Variants in RPTOR observed in about 807,000 individuals in gnomAD.
The protein encoded by RPTOR is regulatory associated protein of MTOR complex 1.
A neutral mutation model predicts 169.9 loss-of-function variants in RPTOR; 21 were observed. The observed-to-expected ratio is 0.12, with a 90% confidence interval of 0.09 to 0.18. The LOEUF (loss-of-function observed/expected upper bound fraction) is 0.18. Among genes scored for constraint, RPTOR ranks in the 10% least tolerant of loss-of-function variants. The pLI is 1.00. For synonymous variants in RPTOR, 732 were observed against 753.2 expected (o/e 0.97, Z 0.46); for missense variants, 1,133 against 1,855.9 (o/e 0.61, Z 7.16).
intron 3 of RPTOR, among the ~76,000 whole-genome samples, chr17:80,662,683 C>T (rs79869228): frequency 0.02 from 3,010 of 152,130 alleles, 130 homozygotes; most frequent in African/African-American, 0.068. Context: ...AACCTGGCCA[C>T]GACTCCCGAG....
At chr17:80,719,931 G>A (rs946675661) in intron 4 of RPTOR, among the ~76,000 whole-genome samples, 11 of 152,028 alleles carry the variant, frequency 7.2e-5, no homozygotes, top group African/African-American at 2.7e-4. Context: ...TTGGTTTTTT[G>A]TTTTTTTAAT....
chr17:80,829,288 T>C (rs2067477524), intron 9 of RPTOR, among the ~76,000 whole-genome samples: 1 of 152,112 alleles, frequency 6.6e-6, no homozygotes. Context: ...GTGGGGGCTT[T>C]CAGACAGCAG....
At chr17:80,858,454 G>T (rs977017658) in intron 13 of RPTOR, among the ~76,000 whole-genome samples, 1 of 152,250 alleles carries the variant, frequency 6.6e-6, no homozygotes, top group African/African-American at 2.4e-5. Flanking sequence ...CTGCAGCCAT[G>T]TGTTCGCCCC....
intron 2 of RPTOR, among the ~76,000 whole-genome samples, chr17:80,637,790 G>T (rs1181853059): frequency 6.6e-6 from 1 of 152,252 alleles, no homozygotes; most frequent in Non-Finnish European, 1.5e-5. Context: ...CGTTTGGGAG[G>T]TCTTAGCTTT....
At chr17:80,890,338 A>G (rs1210343237) in intron 17 of RPTOR, among the ~76,000 whole-genome samples, 1 of 152,204 alleles carries the variant, frequency 6.6e-6, no homozygotes, top group Non-Finnish European at 1.5e-5. Context: ...GAAGGGGCCC[A>G]GTGGGTGTTC....
chr17:80,828,731 G>A (rs1310114109), intron 9 of RPTOR, among the ~76,000 whole-genome samples: 1 of 152,228 alleles, frequency 6.6e-6, no homozygotes, highest in African/African-American at 2.4e-5. Flanking sequence ...GGACTAATGG[G>A]ATGTTCTGAA....
chr17:80,725,817 T>C (rs1438730540), intron 4 of RPTOR, among the ~76,000 whole-genome samples: 1 of 152,242 alleles, frequency 6.6e-6, no homozygotes, highest in African/African-American at 2.4e-5. Flanking sequence ...TTATATTCCC[T>C]GAGGGATACA....
chr17:80,769,663 C>T (rs566602707), intron 6 of RPTOR, among the ~76,000 whole-genome samples: 2 of 152,310 alleles, frequency 1.3e-5, no homozygotes, highest in South Asian at 2.1e-4. Flanking sequence ...GGCGGCATCA[C>T]TGCTGTTGGG....
At chr17:80,865,433 T>C (rs768146122) in intron 13 of RPTOR, among the ~76,000 whole-genome samples, 6 of 152,156 alleles carry the variant, frequency 3.9e-5, no homozygotes, top group Non-Finnish European at 5.9e-5. Flanking sequence ...CACGAGTAGA[T>C]TGAAGGCAAA....
intron 6 of RPTOR, among the ~76,000 whole-genome samples, chr17:80,782,457 C>T (rs747146097): frequency 2.6e-5 from 4 of 151,930 alleles, no homozygotes; most frequent in South Asian, 2.1e-4. Context: ...TCTACATCCC[C>T]GACAAGAATA....
chr17:80,652,338 A>C (rs1377103969), intron 3 of RPTOR, among the ~76,000 whole-genome samples: 1 of 152,162 alleles, frequency 6.6e-6, no homozygotes, highest in Non-Finnish European at 1.5e-5. Flanking sequence ...CCAGGCAGTC[A>C]CCAGCCTGCC....
At chr17:80,643,445 G>A (rs1387473092) in intron 2 of RPTOR, among the ~76,000 whole-genome samples, 1 of 152,222 alleles carries the variant, frequency 6.6e-6, no homozygotes, top group African/African-American at 2.4e-5. Context: ...AACAGTGCAA[G>A]TGCGGGAAAG....
At chr17:80,711,763 GGTTA>G in intron 4 of RPTOR, among the ~76,000 whole-genome samples, 1 of 56,380 alleles carries the variant, frequency 1.8e-5, no homozygotes, top group Non-Finnish European at 3.0e-5. Flanking sequence ...TTTTTTTTGA[GGTTA>G]AGTCTCCCTC....
At chr17:80,634,760 C>T (rs1403694663) in intron 2 of RPTOR, among the ~76,000 whole-genome samples, 10 of 97,106 alleles carry the variant, frequency 1.0e-4, no homozygotes, top group Admixed American at 2.2e-4. Flanking sequence ...TGTGTGTGTG[C>T]GTACTGTGCG....
chr17:80,856,863 G>T (rs2067858559), intron 12 of RPTOR, among the ~76,000 whole-genome samples: 1 of 152,132 alleles, frequency 6.6e-6, no homozygotes, highest in Non-Finnish European at 1.5e-5. Flanking sequence ...ATGAATCGAG[G>T]CTGGATAAAC....
At chr17:80,922,907 C>G (rs1264117067) in intron 22 of RPTOR, 80 bp downstream of exon 22, 1 of 1,182,534 alleles carries the variant, frequency 8.5e-7, no homozygotes, top group Non-Finnish European at 1.2e-6. Flanking sequence ...AGCCGGCCTC[C>G]CCATCCTCCT....
At chr17:80,917,198 C>T (rs1038567858) in intron 21 of RPTOR, among the ~76,000 whole-genome samples, 4 of 151,414 alleles carry the variant, frequency 2.6e-5, no homozygotes, top group African/African-American at 4.9e-5. Flanking sequence ...CTGCAACCTC[C>T]ATCTCCCAGG....
At position 80,653,298 on chromosome 17, in the gene RPTOR, C is replaced by T. The variant is rs574459555; in HGVS notation, c.348+9488C>T. On this transcript the variant is annotated intron_variant, in intron 3 of 33. Coordinates refer to ENST00000306801, the MANE Select transcript of RPTOR (RefSeq NM_020761.3). The stretch of plus-strand genomic sequence containing the variant: ...TCAGCCAGGCACCGTGGCTCATGCC[C>T]GTGGGAGGCCAAGACAGGAGGATCC... 5.3e-5 allele frequency among the ~76,000 whole-genome samples: 8 copies of T among 152,192 alleles called. No individual in the cohort carries two copies. The South Asian group carries it at 8.3e-4, about 16-fold the overall frequency.
At chr17:80,863,199 A>G (rs2067940020) in intron 13 of RPTOR, among the ~76,000 whole-genome samples, 1 of 152,210 alleles carries the variant, frequency 6.6e-6, no homozygotes, top group South Asian at 2.1e-4. Context: ...CTGATCTGAC[A>G]CAGATGGTAC....
Sources: allele counts gnomAD v4.1 joint callset (sites outside exome capture counted in the v4.1 genomes callset), GRCh38; gene constraint gnomAD v4.1.1; transcripts MANE v1.5; gene names NCBI Gene and HGNC (gene_info 2026-07-23, HGNC 2026-07-21).